Variants in GSDME observed in about 807,000 individuals in gnomAD.
The protein encoded by GSDME is gasdermin E.
A neutral mutation model predicts 47.5 loss-of-function variants in GSDME; 44 were observed. The observed-to-expected ratio is 0.93, with a 90% CI of 0.73 to 1.19. The LOEUF (loss-of-function observed/expected upper bound fraction) is 1.19. GSDME is among the 50% of genes most tolerant of loss of function. The pLI, the probability that GSDME is intolerant of heterozygous loss-of-function variation, is 0.00. For missense variants in GSDME, 663 were observed against 604.2 expected, an observed-to-expected ratio of 1.10 and a Z score of -1.02; for synonymous variants, 258 against 252.8, an observed-to-expected ratio of 1.02 and a Z score of -0.20.
chr7:24,706,132 A>T, intron 8 of GSDME, 52 bp downstream of exon 8: 1 of 1,603,958 alleles, frequency 6.2e-7, no homozygotes, highest in East Asian at 2.2e-5. Flanking sequence ...GATAGTAGGC[A>T]AAGCATTTTA....
In GSDME at chr7:24,710,447, G is replaced by C. The variant is rs1304336072; in HGVS notation, c.698-59C>G. The C allele has an allele frequency of 2.5e-6, 4 of 1,571,984 alleles. No individual in the cohort carries two copies. In the East Asian group the frequency reaches 9.0e-5, roughly 35 times the overall value. On this transcript the variant is annotated intron_variant, in intron 5 of 9. Transcript: ENST00000645220. Reference sequence around the variant, plus strand: ...AGTTGAGTCTAAGGTGTGCCAACAAGTCTGGACAGGGTCAGCCCAGCCTTG... The same window carrying C: ...AGTTGAGTCTAAGGTGTGCCAACAACTCTGGACAGGGTCAGCCCAGCCTTG...
intron 1 of GSDME, among the ~76,000 whole-genome samples, chr7:24,752,466 T>C (rs188271181): frequency 2.0e-5 from 3 of 152,182 alleles, no homozygotes; most frequent in African/African-American, 4.8e-5. Flanking sequence ...AGATTAGAGA[T>C]GGACAAAGAT....
chr7:24,708,147 G>A lies in GSDME; in HGVS notation c.970C>T (p.Leu324Phe). ...CTCACCACTGGTTCCAGGACCATGAGTAGTTCATCATCAAATAGGACCGCC... is the reference window on the plus strand; with the variant it reads ...CTCACCACTGGTTCCAGGACCATGAATAGTTCATCATCAAATAGGACCGCC... ...FQAVLFDDEL[L>F]MVLEPVCDDL... is the part of the protein sequence containing the mutation. The change falls in exon 7 of 10, where the codon CTC becomes TTC. Residue 324 changes from leucine (L) to phenylalanine (F), a missense_variant. By Grantham distance (22) the Leu-to-Phe change is conservative. Coordinates refer to ENST00000645220, the MANE Select transcript of GSDME (RefSeq NM_001127453.2). 2 of 1,614,158 alleles carry A rather than the reference G, an allele frequency of 1.2e-6. No homozygotes were observed. Among genetic ancestry groups the A allele is most frequent in the Non-Finnish European group, 1.7e-6 (2 of 1,180,044 alleles).
chr7:24,731,423 A>G (rs779977696), intron 3 of GSDME, among the ~76,000 whole-genome samples: 11 of 152,244 alleles, frequency 7.2e-5, no homozygotes, highest in Non-Finnish European at 1.2e-4. Context: ...TGGAGTTCAG[A>G]ATGGTGACCA....
intron 3 of GSDME, among the ~76,000 whole-genome samples, chr7:24,719,841 A>G (rs781460560): frequency 1.1e-4 from 16 of 152,128 alleles, no homozygotes; most frequent in Non-Finnish European, 1.9e-4. Context: ...GGAAACTGCA[A>G]TCCATGTACC....
the GSDME span, among the ~76,000 whole-genome samples, chr7:24,769,496 G>C: frequency 6.6e-6 from 1 of 152,130 alleles, no homozygotes; most frequent in Non-Finnish European, 1.5e-5. Context: ...TAAACGATTG[G>C]GGTTTTATCA....
At chr7:24,707,664 A>C in intron 7 of GSDME, 1 of 347,568 alleles carries the variant, frequency 2.9e-6, no homozygotes, top group Non-Finnish European at 5.3e-6. Flanking sequence ...GTGTCTTTAT[A>C]ACAGACAGTA....
chr7:24,727,932 T>C (rs1366445886), intron 3 of GSDME, among the ~76,000 whole-genome samples: 1 of 152,226 alleles, frequency 6.6e-6, no homozygotes, highest in Admixed American at 6.5e-5. Context: ...CAGCATCCTG[T>C]ACCGGGAAGG....
chr7:24,775,869 C>A, the GSDME span, among the ~76,000 whole-genome samples: 2 of 83,226 alleles, frequency 2.4e-5, no homozygotes, highest in East Asian at 4.0e-4. Flanking sequence ...AGTGAGATTC[C>A]ATCTCAAAAA....
chr7:24,791,875 G>A, the GSDME span, among the ~76,000 whole-genome samples: 5 of 152,178 alleles, frequency 3.3e-5, no homozygotes, highest in African/African-American at 9.7e-5. The surrounding 1 kb of genome is among the most constrained non-coding windows in gnomAD (Gnocchi z 4.8). Context: ...CCTTGCTGTC[G>A]TGAGAGACAC....
At chr7:24,748,794 C>T (rs1267677127) in intron 2 of GSDME, among the ~76,000 whole-genome samples, 5 of 152,148 alleles carry the variant, frequency 3.3e-5, no homozygotes, top group Admixed American at 1.3e-4. Context: ...CAATGCCCAT[C>T]TCCATTCACT....
chr7:24,740,365 T>G (rs190719713), intron 3 of GSDME, among the ~76,000 whole-genome samples: 96 of 152,034 alleles, frequency 6.3e-4, no homozygotes, highest in Middle Eastern at 3.4e-3. Context: ...AGATCTAGTA[T>G]TTTATAACAT....
In GSDME at chr7:24,710,865, T is replaced by C. The variant is rs555303036; in HGVS notation, c.698-477A>G. Among the ~76,000 whole-genome samples the C allele has an allele frequency of 2.6e-5, 4 of 152,240 alleles. No individual in the cohort carries two copies. In the South Asian group the frequency reaches 8.3e-4, roughly 32 times the overall value. ...TAATATATAGAATAATATACAGCAA[T>C]AAAAAATAAAATACTGATGTCTGCA... On this transcript the variant is annotated intron_variant, in intron 5 of 9. Transcript: ENST00000645220.
At chr7:24,786,088 T>C in the GSDME span, among the ~76,000 whole-genome samples, 1 of 152,336 alleles carries the variant, frequency 6.6e-6, no homozygotes, top group East Asian at 1.9e-4. The surrounding 1 kb of genome is among the most constrained non-coding windows in gnomAD (Gnocchi z 5.5). Context: ...CATTTCTACT[T>C]ATTCTGGGGA....
At chr7:24,794,150 T>C in the GSDME span, among the ~76,000 whole-genome samples, 1 of 151,354 alleles carries the variant, frequency 6.6e-6, no homozygotes, top group African/African-American at 2.4e-5. Flanking sequence ...TCTCTCTCTT[T>C]CTCTCTTTGA....
At chr7:24,783,564 G>A in the GSDME span, among the ~76,000 whole-genome samples, 2 of 152,190 alleles carry the variant, frequency 1.3e-5, no homozygotes, top group Non-Finnish European at 2.9e-5. Flanking sequence ...TCACGCTGAG[G>A]TGTTTGGAGC....
chr7:24,708,413 C>A (rs1332216390), intron 6 of GSDME, among the ~76,000 whole-genome samples, 159 bp from the exon 7 acceptor site: 1 of 152,140 alleles, frequency 6.6e-6, no homozygotes, highest in African/African-American at 2.4e-5. Context: ...CATCAAGTTA[C>A]AAGCCACCCT....
At chr7:24,717,457 T>C in intron 4 of GSDME, 83 bp from the exon 5 acceptor site, 2 of 1,597,166 alleles carry the variant, frequency 1.3e-6, no homozygotes, top group Non-Finnish European at 1.7e-6. Flanking sequence ...GCCTCGTGCC[T>C]TATACATAAG....
rs1562701097 is a variant in GSDME, at chr7:24,724,188, A to T, written c.405-4970T>A. Among the ~76,000 whole-genome samples, 1 of 151,412 alleles carries T rather than the reference A, an allele frequency of 6.6e-6. No individual in the cohort carries two copies. Among genetic ancestry groups the T allele is most frequent in the Non-Finnish European group, 1.5e-5 (1 of 67,854 alleles). ...TTGCCCAGTTCCAAAAAAAAAAAAA[A>T]GTATTTTAAAAAAAGGCCTTCTGGA... On this transcript the variant is annotated intron_variant, in intron 3 of 9. Transcript: ENST00000645220. This position sits in a 1 kb window ranked among gnomAD's most constrained non-coding sequence, Gnocchi z 4.8.
Sources: gnomAD v4.1 joint callset for allele counts (sites outside exome capture counted in the v4.1 genomes callset) on GRCh38, gnomAD v4.1.1 for gene constraint, Gnocchi (gnomAD v3.1) non-coding constraint, MANE v1.5 for transcripts, NCBI Gene and HGNC (gene_info 2026-07-23, HGNC 2026-07-21) for gene names.